Variants in RPA3 observed in about 807,000 individuals in gnomAD.
RPA3 encodes replication protein A 14 kDa subunit.
In RPA3, 24 loss-of-function variants were observed where a neutral mutation model predicts 13.7. The observed-to-expected ratio is 1.75, with a 90% CI of 1.27 to 2.46. The LOEUF is 2.46. RPA3 is among the 30% of genes most tolerant of loss of function. The pLI, the probability that RPA3 is intolerant of heterozygous loss-of-function variation, is 0.00. For missense variants in RPA3, 183 were observed against 151.0 expected, an observed-to-expected ratio of 1.21 and a Z score of -1.11; for synonymous variants, 59 against 51.2, an observed-to-expected ratio of 1.15 and a Z score of -0.65.
chr7:7,714,907 T>C lies in RPA3; in HGVS notation c.-1028+268A>G, dbSNP rs1467598894. ...TAACACTTGCAGACCTGTTGTACCA[T>C]GTGGTTGAACTAAGCAGAACAGGGG... On this transcript the variant is annotated intron_variant, in intron 2 of 7. Coordinates refer to ENST00000223129, the MANE Select transcript of RPA3 (RefSeq NM_002947.5). Among the ~76,000 whole-genome samples the C allele has an allele frequency of 4.0e-5, 6 of 150,414 alleles. No individual in the cohort carries two copies. The Middle Eastern group carries it at 0.014, about 343-fold the overall frequency.
At chr7:7,654,233 A>C (rs901677776) in intron 4 of RPA3, among the ~76,000 whole-genome samples, 13 of 152,236 alleles carry the variant, frequency 8.5e-5, no homozygotes, top group Non-Finnish European at 1.6e-4. Context: ...TGAGGCTCAA[A>C]TTTATTTACA....
intron 2 of RPA3, among the ~76,000 whole-genome samples, chr7:7,696,416 TA>T (rs925048564): frequency 6.6e-6 from 1 of 152,052 alleles, no homozygotes; most frequent in African/African-American, 2.4e-5. Flanking sequence ...TAATTTTCTA[TA>T]AAAAAATACT....
intron 4 of RPA3, among the ~76,000 whole-genome samples, chr7:7,646,403 C>T (rs796712617): frequency 5.9e-5 from 9 of 151,408 alleles, no homozygotes; most frequent in African/African-American, 2.2e-4. Flanking sequence ...GGGACAGTTT[C>T]CCCCATACTG....
At chr7:7,685,081 G>T (rs1780009292) in intron 4 of RPA3, among the ~76,000 whole-genome samples, 1 of 152,170 alleles carries the variant, frequency 6.6e-6, no homozygotes, top group African/African-American at 2.4e-5. Context: ...TTATATTAAA[G>T]ATATAGATAA....
chr7:7,708,800 TTAA>T (rs1356953605), intron 2 of RPA3, among the ~76,000 whole-genome samples: 3 of 152,134 alleles, frequency 2.0e-5, no homozygotes, highest in African/African-American at 7.2e-5. Flanking sequence ...TTTTTGCCCA[TTAA>T]TATGTGGTTT....
At chr7:7,691,367 A>G (rs544938144) in intron 2 of RPA3, among the ~76,000 whole-genome samples, 55 of 152,344 alleles carry the variant, frequency 3.6e-4, no homozygotes, top group African/African-American at 1.3e-3. Flanking sequence ...TTCAATTAAA[A>G]TAAACCAAAC....
chr7:7,703,764 A>G (rs1301843555), intron 2 of RPA3, among the ~76,000 whole-genome samples: 1 of 152,074 alleles, frequency 6.6e-6, no homozygotes, highest in Non-Finnish European at 1.5e-5. Flanking sequence ...ACGTGGCGAA[A>G]CCCCGTTTCT....
At chr7:7,681,071 AAAGCT>A (rs1779899921) in intron 4 of RPA3, among the ~76,000 whole-genome samples, 1 of 152,192 alleles carries the variant, frequency 6.6e-6, no homozygotes, top group Non-Finnish European at 1.5e-5. Flanking sequence ...TCTAAATGAT[AAAGCT>A]AAGTAAAAAC....
At chr7:7,702,298 C>T (rs899961199) in intron 2 of RPA3, among the ~76,000 whole-genome samples, 62 of 152,264 alleles carry the variant, frequency 4.1e-4, no homozygotes, top group Non-Finnish European at 5.0e-4. Flanking sequence ...TCTTCAGGGA[C>T]TAGAGTTCCT....
chr7:7,704,598 G>GAAAA lies in RPA3; in HGVS notation c.-1028+10573_-1028+10576dup, dbSNP rs35661728. On this transcript the variant is annotated intron_variant, in intron 2 of 7. Transcript: ENST00000223129. ...GTGAAACCCTGTCTCTACTAAAATA[G>GAAAA]AAAAAAAAAAAAAAAAAAAATTAGC... 5.7e-3 allele frequency among the ~76,000 whole-genome samples: 537 copies of GAAAA among 93,582 alleles called. 5 individuals carry two copies. Among genetic ancestry groups the GAAAA allele is most frequent in the African/African-American group, 0.02 (507 of 25,632 alleles). 61.4% of individuals were successfully genotyped at this position (93,582 alleles called of 152,430 possible).
At chr7:7,649,627 CT>C (rs1267490928) in intron 4 of RPA3, among the ~76,000 whole-genome samples, 1 of 151,374 alleles carries the variant, frequency 6.6e-6, no homozygotes, top group Non-Finnish European at 1.5e-5. Flanking sequence ...TTACTTTTTT[CT>C]TCTTTAATGT....
chr7:7,657,756 G>T (rs1785377418), intron 4 of RPA3, among the ~76,000 whole-genome samples: 1 of 152,092 alleles, frequency 6.6e-6, no homozygotes, highest in Non-Finnish European at 1.5e-5. Context: ...GATGCCTCCA[G>T]CTTTGTTCTT....
At chr7:7,647,613 T>C (rs866525779) in intron 4 of RPA3, among the ~76,000 whole-genome samples, 5 of 152,296 alleles carry the variant, frequency 3.3e-5, no homozygotes, top group Admixed American at 2.0e-4. Flanking sequence ...GCTATATATA[T>C]ACATTTCTTT....
intron 2 of RPA3, among the ~76,000 whole-genome samples, chr7:7,696,740 G>A (rs950743009): frequency 2.0e-5 from 3 of 152,088 alleles, no homozygotes; most frequent in African/African-American, 7.2e-5. Flanking sequence ...TCAATAGTGG[G>A]CACTGATTCT....
At chr7:7,668,121 C>T (rs571672777) in intron 4 of RPA3, among the ~76,000 whole-genome samples, 2 of 152,046 alleles carry the variant, frequency 1.3e-5, no homozygotes, top group South Asian at 2.1e-4. Flanking sequence ...GTCATGTTGC[C>T]CAGGCTGGTC....
intron 4 of RPA3, among the ~76,000 whole-genome samples, chr7:7,645,982 G>A (rs67320211): frequency 0.3 from 46,165 of 152,002 alleles, 8,971 homozygotes; most frequent in East Asian, 0.79. Flanking sequence ...CGGCTGCCGT[G>A]TACTCAAACC....
intron 4 of RPA3, among the ~76,000 whole-genome samples, chr7:7,662,919 T>C (rs1389804446): frequency 5.9e-5 from 9 of 152,238 alleles, no homozygotes; most frequent in Non-Finnish European, 1.3e-4. Flanking sequence ...AACTATGTCC[T>C]TTATAATTTT....
intron 4 of RPA3, among the ~76,000 whole-genome samples, chr7:7,681,765 T>A (rs1431299009): frequency 6.6e-6 from 1 of 152,166 alleles, no homozygotes; most frequent in Admixed American, 6.5e-5. Context: ...TCTCCTGTTA[T>A]GACATGTTTA....
At chr7:7,686,964 A>G (rs1401599565) in intron 3 of RPA3, among the ~76,000 whole-genome samples, 4 of 152,214 alleles carry the variant, frequency 2.6e-5, no homozygotes, top group African/African-American at 4.8e-5. Flanking sequence ...ATCTAAGACC[A>G]TGAGAACTAG....
Sources: allele counts gnomAD v4.1 joint callset (sites outside exome capture counted in the v4.1 genomes callset), GRCh38; gene constraint gnomAD v4.1.1; transcripts MANE v1.5; gene names NCBI Gene and HGNC (gene_info 2026-07-23, HGNC 2026-07-21).